Variants in TIAM2 observed in about 807,000 individuals in gnomAD.
The protein encoded by TIAM2 is rho guanine nucleotide exchange factor TIAM2.
In TIAM2, 80 loss-of-function variants were observed where a neutral mutation model predicts 152.9. The ratio of observed to expected loss-of-function variants is 0.52; its 90% confidence interval spans 0.44 to 0.63. TIAM2 has a LOEUF of 0.63. Ranked by LOEUF, TIAM2 falls within the 30% of genes least tolerant of loss-of-function variation. The pLI, the probability that TIAM2 is intolerant of heterozygous loss-of-function variation, is 0.00. For missense variants in TIAM2, 1,965 were observed against 2,120.1 expected, an observed-to-expected ratio of 0.93 and a Z score of 1.44; for synonymous variants, 804 against 838.0, an observed-to-expected ratio of 0.96 and a Z score of 0.70.
intron 15 of TIAM2, among the ~76,000 whole-genome samples, chr6:155,222,616 AC>A (rs1250206976): frequency 8.0e-4 from 41 of 51,548 alleles, no homozygotes; most frequent in East Asian, 1.7e-3. Flanking sequence ...CAAAAAACAA[AC>A]AAAAAAAAAA....
chr6:155,066,858 C>T (rs764504579), intron 1 of TIAM2, among the ~76,000 whole-genome samples: 16 of 151,930 alleles, frequency 1.1e-4, no homozygotes, highest in South Asian at 2.1e-4. Context: ...CAGGTTCAAG[C>T]GATTCTCCTG....
At position 155,210,482 on chromosome 6, in the gene TIAM2, T is replaced by TTG. The variant is rs774639864; in HGVS notation, c.3065-712_3065-711dup. 1.7e-4 allele frequency among the ~76,000 whole-genome samples: 25 copies of TTG among 151,244 alleles called. No individual in the cohort carries two copies. The East Asian group carries it at 2.5e-3, about 15-fold the overall frequency. The stretch of plus-strand genomic sequence containing the variant: ...TATAGCCGCATACCACCATGCCTGA[T>TTG]TGTGTGTGTGTTTTTTTTTTTCAAT... On this transcript the variant is annotated intron_variant, in intron 14 of 26. Coordinates refer to ENST00000682666, the MANE Select transcript of TIAM2 (RefSeq NM_012454.4).
chr6:155,077,853 T>C (rs1171108661), intron 1 of TIAM2, among the ~76,000 whole-genome samples: 2 of 152,232 alleles, frequency 1.3e-5, no homozygotes, highest in East Asian at 3.8e-4. Flanking sequence ...GGTTTGCCTG[T>C]AGCGCCTCAC....
At position 155,010,828 on chromosome 6, in the gene TIAM2, C is replaced by T. The variant is rs556533705; in HGVS notation, c.-209+15336C>T. Among the ~76,000 whole-genome samples, 9 of 152,204 alleles carry T rather than the reference C, an allele frequency of 5.9e-5. No individual in the cohort carries two copies. The South Asian group carries it at 6.2e-4, about 11-fold the overall frequency. ...CTCGACCTCCTGACCTCAGGTGATCCGCCCGCCTCGGCCTCCCAAAGTGCT... is the reference window on the plus strand; with the variant it reads ...CTCGACCTCCTGACCTCAGGTGATCTGCCCGCCTCGGCCTCCCAAAGTGCT... On this transcript the variant is annotated intron_variant, in intron 1 of 26. Coordinates refer to ENST00000682666, the MANE Select transcript of TIAM2 (RefSeq NM_012454.4).
At chr6:155,116,981 G>A (rs1325522226) in intron 2 of TIAM2, among the ~76,000 whole-genome samples, 1 of 151,724 alleles carries the variant, frequency 6.6e-6, no homozygotes, top group Non-Finnish European at 1.5e-5. Flanking sequence ...CAGGATGTTG[G>A]ACAAGTTTTA....
chr6:155,086,335 A>G (rs1272963951), intron 1 of TIAM2, among the ~76,000 whole-genome samples: 1 of 152,242 alleles, frequency 6.6e-6, no homozygotes, highest in Non-Finnish European at 1.5e-5. Flanking sequence ...CTTCATCTGC[A>G]AAGTGAACAG....
At chr6:155,173,490 A>G (rs189989068) in intron 9 of TIAM2, among the ~76,000 whole-genome samples, 1 of 152,278 alleles carries the variant, frequency 6.6e-6, no homozygotes, top group Admixed American at 6.5e-5. Flanking sequence ...CTCCTTCAAT[A>G]ATCTGTTAAT....
intron 4 of TIAM2, among the ~76,000 whole-genome samples, chr6:155,134,751 G>T (rs1779520852): frequency 6.6e-6 from 1 of 151,960 alleles, no homozygotes; most frequent in Non-Finnish European, 1.5e-5. Flanking sequence ...TGTCGCCGAG[G>T]CTGGAGTGCA....
intron 14 of TIAM2, among the ~76,000 whole-genome samples, chr6:155,203,306 A>T (rs1315613221): frequency 6.6e-6 from 1 of 152,208 alleles, no homozygotes; most frequent in Admixed American, 6.5e-5. Context: ...AAAACAAAAG[A>T]TACATAAAAT....
chr6:155,117,917 C>T (rs4869846), intron 2 of TIAM2, among the ~76,000 whole-genome samples: 65,301 of 152,062 alleles, frequency 0.43, 15,902 homozygotes, highest in East Asian at 0.66. Flanking sequence ...ACATTCATGT[C>T]GAATTGTTGA....
chr6:155,250,656 C>CA, intron 21 of TIAM2: 1 of 1,526,380 alleles, frequency 6.6e-7, no homozygotes. Context: ...CTGAGTTGGT[C>CA]ACAAGGCATG....
At chr6:155,010,714 G>A (rs1778473364) in intron 1 of TIAM2, among the ~76,000 whole-genome samples, 1 of 152,002 alleles carries the variant, frequency 6.6e-6, no homozygotes. Flanking sequence ...GCCTCCCAAA[G>A]TGCTGGGATT....
intron 9 of TIAM2, among the ~76,000 whole-genome samples, chr6:155,172,068 T>G (rs1206604455): frequency 4.6e-5 from 7 of 152,200 alleles, no homozygotes; most frequent in Admixed American, 4.6e-4. Context: ...TGCTGCATAC[T>G]GAGCATAAGT....
chr6:155,188,185 C>T (rs535457737), intron 14 of TIAM2, among the ~76,000 whole-genome samples: 36 of 152,318 alleles, frequency 2.4e-4, no homozygotes, highest in Admixed American at 8.5e-4. Context: ...TTTCCTCGTG[C>T]GCTCAGAATG....
At chr6:155,197,869 C>T (rs368133728) in intron 14 of TIAM2, among the ~76,000 whole-genome samples, 53 of 152,236 alleles carry the variant, frequency 3.5e-4, no homozygotes, top group African/African-American at 1.1e-3. Flanking sequence ...ATGGGAACTA[C>T]AATTCAAGAT....
chr6:155,163,126 G>C (rs1780318403), intron 7 of TIAM2, among the ~76,000 whole-genome samples: 1 of 152,280 alleles, frequency 6.6e-6, no homozygotes, highest in Non-Finnish European at 1.5e-5. Context: ...CACCTAGAAA[G>C]CTTGGTGTGA....
At chr6:155,034,052 T>C (rs1776875604) in intron 1 of TIAM2, among the ~76,000 whole-genome samples, 1 of 151,712 alleles carries the variant, frequency 6.6e-6, no homozygotes, top group Non-Finnish European at 1.5e-5. Context: ...TACCTTTTTT[T>C]TTTTTTCCTG....
intron 4 of TIAM2, among the ~76,000 whole-genome samples, chr6:155,133,986 G>A (rs888253395): frequency 2.0e-5 from 3 of 152,088 alleles, no homozygotes; most frequent in Admixed American, 2.0e-4. Flanking sequence ...CAAAGTGCTG[G>A]GATAACAGGC....
At chr6:155,130,671 T>C (rs1779425304) in intron 4 of TIAM2, among the ~76,000 whole-genome samples, 1 of 152,190 alleles carries the variant, frequency 6.6e-6, no homozygotes, top group African/African-American at 2.4e-5. Flanking sequence ...GCAAACAAAA[T>C]ACCACAGACT....
Sources: allele counts gnomAD v4.1 joint callset (sites outside exome capture counted in the v4.1 genomes callset), GRCh38; gene constraint gnomAD v4.1.1; transcripts MANE v1.5; gene names NCBI Gene and HGNC (gene_info 2026-07-23, HGNC 2026-07-21).